Variants in DOCK4 observed in about 807,000 individuals in gnomAD.
DOCK4 encodes dedicator of cytokinesis protein 4.
A neutral mutation model predicts 268.1 loss-of-function variants in DOCK4; 97 were observed. The ratio of observed to expected loss-of-function variants is 0.36; its 90% CI spans 0.31 to 0.43. The LOEUF (loss-of-function observed/expected upper bound fraction) is 0.43, where lower values mean the gene tolerates loss of function less well. Ranked by LOEUF, DOCK4 falls within the 20% of genes least tolerant of loss-of-function variation. The pLI is 1.00. For synonymous variants in DOCK4, 954 were observed against 887.2 expected, an observed-to-expected ratio of 1.08 and a Z score of -1.34; for missense variants, 2,145 against 2,455.7, an observed-to-expected ratio of 0.87 and a Z score of 2.67.
At chr7:111,777,067 C>G (rs553675975) in intron 36 of DOCK4, among the ~76,000 whole-genome samples, 6 of 152,276 alleles carry the variant, frequency 3.9e-5, no homozygotes, top group African/African-American at 1.4e-4. Flanking sequence ...GATCCACCTG[C>G]CTTGGCCTCC....
chr7:111,862,103 A>G (rs1398905920), intron 23 of DOCK4, among the ~76,000 whole-genome samples: 1 of 152,092 alleles, frequency 6.6e-6, no homozygotes, highest in Non-Finnish European at 1.5e-5. Flanking sequence ...GTTCGACAGC[A>G]GCCTGAACAA....
intron 44 of DOCK4, among the ~76,000 whole-genome samples, chr7:111,745,328 T>G (rs1260884837): frequency 6.6e-6 from 1 of 152,146 alleles, no homozygotes; most frequent in Non-Finnish European, 1.5e-5. Context: ...AAGTAAAAAT[T>G]TCATTCATGC....
At chr7:111,970,328 G>GAAAAA (rs557400137) in intron 8 of DOCK4, among the ~76,000 whole-genome samples, 23 of 149,786 alleles carry the variant, frequency 1.5e-4, no homozygotes, top group African/African-American at 5.2e-4. Flanking sequence ...TAAAAAAAAA[G>GAAAAA]AAAAAAAAAC....
chr7:111,789,636 T>C (rs1375514489), intron 31 of DOCK4, among the ~76,000 whole-genome samples: 1 of 152,184 alleles, frequency 6.6e-6, no homozygotes, highest in African/African-American at 2.4e-5. Flanking sequence ...TTCTTGAAAA[T>C]AAATGTGTAT....
intron 25 of DOCK4, among the ~76,000 whole-genome samples, chr7:111,841,428 T>C (rs1466504942): frequency 6.6e-6 from 1 of 152,062 alleles, no homozygotes; most frequent in Non-Finnish European, 1.5e-5. Context: ...CCCAAAATGC[T>C]GGGATTACAG....
chr7:111,777,846 T>C (rs6964255), intron 36 of DOCK4, among the ~76,000 whole-genome samples: 28,293 of 152,198 alleles, frequency 0.19, 7,166 homozygotes, highest in African/African-American at 0.58. Context: ...GTAAGATGTG[T>C]CTTTTGCCTT....
chr7:112,082,197 G>C lies in DOCK4; in HGVS notation c.38-78066C>G, dbSNP rs55935391. 3.8e-3 allele frequency among the ~76,000 whole-genome samples: 580 copies of C among 152,224 alleles called. 3 individuals are homozygous for C. The highest frequency in any genetic ancestry group is 0.013 in the African/African-American group (546 of 41,532). On this transcript the variant is annotated intron_variant, in intron 1 of 52. Transcript: ENST00000428084. ...AACCTGAAAAACTTTTTAAAAATTT[G>C]TGTCATGACTGGAGAGGAAATCTAT...
In DOCK4 at chr7:112,013,520, T is replaced by C. The variant is rs930917085; in HGVS notation, c.38-9389A>G. Among the ~76,000 whole-genome samples the C allele has an allele frequency of 6.6e-5, 10 of 152,316 alleles. No homozygotes were observed. In the South Asian group the frequency reaches 1.7e-3, roughly 25 times the overall value. Reference sequence around the variant, plus strand: ...TGCATAGTTTTCCAATCTCACCCTTTACAACTCCCCACTCAACAGTCCCAC... The same window carrying C: ...TGCATAGTTTTCCAATCTCACCCTTCACAACTCCCCACTCAACAGTCCCAC... On this transcript the variant is annotated intron_variant, in intron 1 of 52. Transcript: ENST00000428084.
intron 1 of DOCK4, among the ~76,000 whole-genome samples, chr7:112,031,482 T>C (rs1803267575): frequency 6.6e-6 from 1 of 152,156 alleles, no homozygotes; most frequent in Admixed American, 6.5e-5. Flanking sequence ...TTTATAGTGT[T>C]AAAGACTGAT....
intron 41 of DOCK4, among the ~76,000 whole-genome samples, chr7:111,756,912 G>A (rs1262819617): frequency 6.6e-6 from 1 of 152,038 alleles, no homozygotes; most frequent in African/African-American, 2.4e-5. Context: ...GATGTTCAAG[G>A]CTTTGGGGGC....
chr7:112,030,360 A>T (rs1356437332), intron 1 of DOCK4, among the ~76,000 whole-genome samples: 1 of 152,198 alleles, frequency 6.6e-6, no homozygotes. Context: ...TGAATAACCC[A>T]CTTGGCTGTG....
chr7:111,782,311 C>T (rs1798833308), intron 35 of DOCK4, among the ~76,000 whole-genome samples: 1 of 152,084 alleles, frequency 6.6e-6, no homozygotes, highest in Non-Finnish European at 1.5e-5. Flanking sequence ...GCTTGGTCAT[C>T]CTAGTTACAA....
At chr7:111,901,640 G>A in intron 14 of DOCK4, 37 bp downstream of exon 14, 1 of 1,604,818 alleles carries the variant, frequency 6.2e-7, no homozygotes, top group Non-Finnish European at 8.5e-7. Context: ...CAATTATACA[G>A]ACTTGTTTGA....
At chr7:111,952,553 C>A (rs1268183239) in intron 8 of DOCK4, among the ~76,000 whole-genome samples, 2 of 152,132 alleles carry the variant, frequency 1.3e-5, no homozygotes, top group Non-Finnish European at 2.9e-5. Flanking sequence ...TATAGTTCAC[C>A]TCACATAAGA....
intron 17 of DOCK4, among the ~76,000 whole-genome samples, chr7:111,876,516 A>C (rs1409737251): frequency 6.6e-6 from 1 of 152,178 alleles, no homozygotes; most frequent in African/African-American, 2.4e-5. Context: ...AAAAACTCAA[A>C]AATGTTTAAT....
At chr7:111,782,206 T>C (rs1023677562) in intron 35 of DOCK4, among the ~76,000 whole-genome samples, 1 of 152,214 alleles carries the variant, frequency 6.6e-6, no homozygotes, top group Non-Finnish European at 1.5e-5. Context: ...TAGTTAGTTA[T>C]GTGACATTTT....
chr7:111,896,079 T>C (rs1808725496), intron 15 of DOCK4, among the ~76,000 whole-genome samples: 1 of 152,210 alleles, frequency 6.6e-6, no homozygotes, highest in African/African-American at 2.4e-5. Context: ...AGGTGCTTAA[T>C]AAATATATGA....
At chr7:111,797,472 C>T (rs895926036) in intron 30 of DOCK4, among the ~76,000 whole-genome samples, 2 of 152,142 alleles carry the variant, frequency 1.3e-5, no homozygotes, top group African/African-American at 4.8e-5. Context: ...TGCTCCTAAA[C>T]CAGACCCTAA....
chr7:112,176,092 C>T (rs1036000675), intron 1 of DOCK4, among the ~76,000 whole-genome samples: 16 of 152,298 alleles, frequency 1.1e-4, no homozygotes, highest in African/African-American at 3.8e-4. Flanking sequence ...CATCAACCAA[C>T]ACCATTATTT....
Sources: gnomAD v4.1 joint callset for allele counts (sites outside exome capture counted in the v4.1 genomes callset) on GRCh38, gnomAD v4.1.1 for gene constraint, MANE v1.5 for transcripts, NCBI Gene and HGNC (gene_info 2026-07-23, HGNC 2026-07-21) for gene names.